The following DMXL1 variants were observed in gnomAD, a reference collection of about 807,000 sequenced individuals.
DMXL1 encodes the protein dmX-like protein 1.
In DMXL1, 99 loss-of-function variants were observed where a neutral mutation model predicts 319.2. The observed-to-expected ratio is 0.31, with a 90% confidence interval of 0.26 to 0.37. The LOEUF is 0.37. Among genes scored for constraint, DMXL1 ranks in the 10% least tolerant of loss-of-function variants. The pLI is 1.00. For synonymous variants in DMXL1, 1,385 were observed against 1,235.2 expected, an observed-to-expected ratio of 1.12 and a Z score of -2.54; for missense variants, 3,745 against 3,595.6, an observed-to-expected ratio of 1.04 and a Z score of -1.06.
intron 2 of DMXL1, among the ~76,000 whole-genome samples, chr5:119,098,485 C>G (rs1418769287): frequency 6.6e-6 from 1 of 151,136 alleles, no homozygotes. Context: ...GTAGTTATCT[C>G]CTTGTAACTT....
chr5:119,223,227 T>C (rs1372486157), intron 37 of DMXL1, among the ~76,000 whole-genome samples: 1 of 152,020 alleles, frequency 6.6e-6, no homozygotes, highest in Middle Eastern at 3.2e-3. Context: ...CGGCTAATTT[T>C]TGTATTTTTA....
At chr5:119,196,716 A>G (rs892784199) in intron 31 of DMXL1, among the ~76,000 whole-genome samples, 2 of 152,128 alleles carry the variant, frequency 1.3e-5, no homozygotes, top group African/African-American at 4.8e-5. Context: ...TTTATACTCT[A>G]GCCAAGTGTT....
chr5:119,167,776 T>A lies in DMXL1; in HGVS notation c.5310T>A (p.Pro1770=). The part of the protein sequence containing the change: ...CSLNINMHHD[P]FLRSMAYWIL... The stretch of plus-strand genomic sequence containing the variant: ...TGAACATAAATATGCATCATGATCC[T>A]TTTCTTCGGAGCATGGCATATTGGA... The change falls in exon 23 of 44, where the codon CCT becomes CCA. Residue 1770 remains proline (P), a synonymous_variant. Transcript: ENST00000539542. 1.2e-6 allele frequency: 2 copies of A among 1,613,474 alleles called. No individual in the cohort carries two copies. The highest frequency in any genetic ancestry group is 8.5e-7 in the Non-Finnish European group (1 of 1,179,616).
At chr5:119,201,011 A>G (rs1027543501) in intron 32 of DMXL1, among the ~76,000 whole-genome samples, 1 of 152,190 alleles carries the variant, frequency 6.6e-6, no homozygotes, top group South Asian at 2.1e-4. Flanking sequence ...TGTTATCTAC[A>G]AACAGGCATA....
At chr5:119,206,721 T>A in intron 33 of DMXL1, 113 bp from the exon 34 acceptor site, 1 of 603,584 alleles carries the variant, frequency 1.7e-6, no homozygotes, top group Non-Finnish European at 2.8e-6. Context: ...CTCCATATAA[T>A]GTTCTTTTCT....
chr5:119,246,799 A>T (rs1179893283), intron 43 of DMXL1, among the ~76,000 whole-genome samples, 196 bp from the exon 44 acceptor site: 1 of 151,462 alleles, frequency 6.6e-6, no homozygotes, highest in Non-Finnish European at 1.5e-5. Flanking sequence ...TCGCCGGGCT[A>T]GTTTTGTATT....
rs200755422 is a variant in DMXL1 at position 119,133,950 on chromosome 5, C to G, written c.2026C>G (p.Leu676Val). ...VDNPEQPFDA[L>V]NIEECSLTQQ... ...TAACCCAGAGCAACCTTTTGATGCT[C>G]TAAATATTGAAGAATGCTCTTTGAC... The change falls in exon 12 of 44, where the codon CTA becomes GTA. Residue 676 changes from leucine to valine, a missense_variant. By Grantham distance (32) the Leu-to-Val change is conservative (BLOSUM62 1). This residue lies in a region of DMXL1 where 2,096 missense variants were observed against 1,985.4 expected (regional missense o/e 1.06). Transcript: ENST00000539542. 7.1e-5 allele frequency: 115 copies of G among 1,614,034 alleles called. No homozygotes were observed. Among genetic ancestry groups the G allele is most frequent in the Non-Finnish European group, 5.4e-5 (64 of 1,180,030 alleles).
chr5:119,220,361 C>G, intron 35 of DMXL1, 111 bp from the exon 36 acceptor site: 11 of 891,192 alleles, frequency 1.2e-5, no homozygotes, highest in Non-Finnish European at 1.9e-5. Context: ...ATATCCTGTA[C>G]TTTAGTTATC....
intron 26 of DMXL1, among the ~76,000 whole-genome samples, chr5:119,176,905 G>C (rs1775908179): frequency 6.6e-6 from 1 of 152,048 alleles, no homozygotes; most frequent in African/African-American, 2.4e-5. Context: ...TTTAAGAGTA[G>C]TATGATAACA....
intron 21 of DMXL1, among the ~76,000 whole-genome samples, chr5:119,165,608 G>C (rs572511823): frequency 2.0e-5 from 3 of 152,230 alleles, no homozygotes; most frequent in African/African-American, 7.2e-5. Context: ...CCCAAGACTG[G>C]GCAATTTACA....
intron 32 of DMXL1, among the ~76,000 whole-genome samples, chr5:119,201,596 G>A (rs1177263334): frequency 6.6e-6 from 1 of 152,134 alleles, no homozygotes; most frequent in African/African-American, 2.4e-5. Context: ...AATTAGGTGT[G>A]AAGGAGTTCC....
At chr5:119,122,303 G>C (rs1394790561) in intron 9 of DMXL1, among the ~76,000 whole-genome samples, 1 of 146,874 alleles carries the variant, frequency 6.8e-6, no homozygotes, top group African/African-American at 2.5e-5. Context: ...GCGGCTGGCC[G>C]GGCGGGGGGC....
rs1774238600 is a variant in DMXL1 at position 119,170,049 on chromosome 5, C to T, written c.5399-141C>T. On this transcript the variant is annotated intron_variant, in intron 23 of 43. Transcript: ENST00000539542. The stretch of plus-strand genomic sequence containing the variant: ...AAATGTGTTGTTGTCTCTTCAGTGC[C>T]ATGGATCATTGTGGCCTATTAGTAA... The T allele has an allele frequency of 8.7e-6, 6 of 691,980 alleles. No individual in the cohort carries two copies. In the East Asian group the frequency reaches 1.4e-4, roughly 16 times the overall value. 42.9% of individuals were successfully genotyped at this position (691,980 alleles called of 1,614,324 possible).
intron 5 of DMXL1, among the ~76,000 whole-genome samples, 154 bp from the exon 6 acceptor site, chr5:119,114,321 A>T (rs1164903354): frequency 1.3e-5 from 2 of 152,198 alleles, no homozygotes; most frequent in Non-Finnish European, 2.9e-5. Flanking sequence ...TTATCTTACT[A>T]ACTAGTTCAT....
At chr5:119,191,139 CTT>C (rs1778632843) in intron 29 of DMXL1, among the ~76,000 whole-genome samples, 1 of 152,106 alleles carries the variant, frequency 6.6e-6, no homozygotes, top group South Asian at 2.1e-4. Context: ...ACATTTGTAA[CTT>C]TTCCCATTGA....
In DMXL1 at chr5:119,112,782, C is replaced by T. The variant is rs143715370; in HGVS notation, c.498-1693C>T. On this transcript the variant is annotated intron_variant, in intron 5 of 43. Transcript: ENST00000539542. ...GACCAGCCTGGCCACCATGGCGAAA[C>T]CCCGTCTCTACTAAAAATACAAAAA... Among the ~76,000 whole-genome samples, 1,185 of 152,122 alleles carry T rather than the reference C, an allele frequency of 7.8e-3. 4 individuals carry two copies. Among genetic ancestry groups the T allele is most frequent in the Non-Finnish European group, 0.013 (867 of 68,002 alleles).
At chr5:119,244,936 G>A (rs984089013) in intron 43 of DMXL1, among the ~76,000 whole-genome samples, 3 of 152,024 alleles carry the variant, frequency 2.0e-5, no homozygotes, top group African/African-American at 4.8e-5. Flanking sequence ...CACATTGCTC[G>A]CCAGTTTTTC....
intron 32 of DMXL1, among the ~76,000 whole-genome samples, chr5:119,202,883 T>TATATA (rs1561865418): frequency 2.9e-4 from 21 of 71,522 alleles, no homozygotes; most frequent in South Asian, 1.8e-3. Flanking sequence ...ATATATATAT[T>TATATA]TTTATATATA....
At chr5:119,194,747 G>T (rs1486723231) in intron 30 of DMXL1, among the ~76,000 whole-genome samples, 1 of 151,906 alleles carries the variant, frequency 6.6e-6, no homozygotes, top group Non-Finnish European at 1.5e-5. Context: ...CAACAAAAAG[G>T]TAAATAATTA....
Sources: gnomAD v4.1 joint callset for allele counts (sites outside exome capture counted in the v4.1 genomes callset) on GRCh38, gnomAD v4.1.1 for gene constraint, gnomAD v4.1.1 regional missense constraint, MANE v1.5 for transcripts, NCBI Gene and HGNC (gene_info 2026-07-23, HGNC 2026-07-21) for gene names.